The following SLC49A4 variants were observed in gnomAD, a reference collection of about 807,000 sequenced individuals.
SLC49A4 encodes disrupted in renal cancer protein 2.
SLC49A4 carries 36 observed loss-of-function variants against 50.6 expected under a neutral mutation model. The observed-to-expected ratio is 0.71, with a 90% CI of 0.55 to 0.94. SLC49A4 has a LOEUF of 0.94. SLC49A4 is among the 40% of genes least tolerant of loss of function. SLC49A4 has a pLI of 0.00. For synonymous variants in SLC49A4, 248 were observed against 241.2 expected, an observed-to-expected ratio of 1.03 and a Z score of -0.26; for missense variants, 503 against 605.7, an observed-to-expected ratio of 0.83 and a Z score of 1.78.
intron 4 of SLC49A4, among the ~76,000 whole-genome samples, chr3:122,835,566 A>T (rs936965331): frequency 6.6e-6 from 1 of 150,906 alleles, no homozygotes; most frequent in South Asian, 2.1e-4. Flanking sequence ...CTTTATGATA[A>T]AAAAAAAACC....
chr3:122,872,932 T>C (rs1937215534), intron 8 of SLC49A4, among the ~76,000 whole-genome samples: 1 of 151,964 alleles, frequency 6.6e-6, no homozygotes, highest in African/African-American at 2.4e-5. Context: ...TAGATTCTCA[T>C]TGAGAACCTC....
chr3:122,826,706 G>A (rs1398726853), intron 2 of SLC49A4, 94 bp from the exon 3 acceptor site: 2 of 1,239,490 alleles, frequency 1.6e-6, no homozygotes, highest in Non-Finnish European at 2.3e-6. Flanking sequence ...TATACTTATT[G>A]CCATAGTTAA....
At chr3:122,852,549 C>T (rs1936939416) in intron 5 of SLC49A4, among the ~76,000 whole-genome samples, 1 of 152,114 alleles carries the variant, frequency 6.6e-6, no homozygotes, top group African/African-American at 2.4e-5. Context: ...ATATTGTTTT[C>T]CTTCAGAGAG....
intron 3 of SLC49A4, among the ~76,000 whole-genome samples, chr3:122,827,535 C>T (rs1258024834): frequency 2.0e-5 from 3 of 152,186 alleles, no homozygotes; most frequent in African/African-American, 4.8e-5. Context: ...TTCCTACTCT[C>T]TGTATGTTTA....
intron 7 of SLC49A4, among the ~76,000 whole-genome samples, chr3:122,862,651 GTA>G (rs1402664796): frequency 2.0e-5 from 3 of 152,142 alleles, no homozygotes; most frequent in Non-Finnish European, 4.4e-5. Context: ...GTGTGATACT[GTA>G]TGTCAAGTTA....
intron 1 of SLC49A4, among the ~76,000 whole-genome samples, chr3:122,796,326 G>A (rs1936039293): frequency 6.6e-6 from 1 of 152,204 alleles, no homozygotes; most frequent in Non-Finnish European, 1.5e-5. Context: ...ATTGAATAAT[G>A]CCTGGGAGCT....
intron 1 of SLC49A4, among the ~76,000 whole-genome samples, chr3:122,804,673 T>TG (rs1470139594): frequency 6.6e-6 from 1 of 152,220 alleles, no homozygotes; most frequent in Admixed American, 6.5e-5. Context: ...TTTGTGGAGA[T>TG]GGGGTCTCAC....
At chr3:122,850,362 T>C (rs899553011) in intron 5 of SLC49A4, among the ~76,000 whole-genome samples, 8 of 152,326 alleles carry the variant, frequency 5.3e-5, no homozygotes, top group Non-Finnish European at 8.8e-5. Flanking sequence ...AAAGTTGATA[T>C]ACTAAGAGTG....
At position 122,826,877 on chromosome 3, in the gene SLC49A4, C is replaced by T. The variant is rs372238855; in HGVS notation, c.515C>T (p.Thr172Met). 18 of 1,614,006 alleles carry T rather than the reference C, an allele frequency of 1.1e-5. No individual in the cohort carries two copies. The highest frequency in any genetic ancestry group is 1.6e-4 in the Middle Eastern group (1 of 6,084). ...VMNAAPFLST[T>M]WFSADERATA... is the part of the protein sequence containing the mutation. Reference sequence around the variant, plus strand: ...AATGCAGCACCATTTCTCTCTACGACGTGGTTTTCTGCAGATGAAAGGGCC... The same window carrying T: ...AATGCAGCACCATTTCTCTCTACGATGTGGTTTTCTGCAGATGAAAGGGCC... Residue 172 changes from threonine to methionine, a missense_variant, in exon 3 of 9, where the codon ACG becomes ATG. Physicochemically the swap from Thr to Met is moderately conservative, Grantham distance 81. Coordinates refer to ENST00000261038, the MANE Select transcript of SLC49A4 (RefSeq NM_032839.3).
intron 2 of SLC49A4, among the ~76,000 whole-genome samples, chr3:122,817,844 C>T (rs1936395731): frequency 6.7e-6 from 1 of 149,234 alleles, no homozygotes; most frequent in African/African-American, 2.5e-5. Context: ...ATCCACCTGC[C>T]CTGGCCTCCC....
intron 1 of SLC49A4, 150 bp from the exon 2 acceptor site, chr3:122,806,707 T>G: frequency 7.2e-6 from 4 of 555,440 alleles, no homozygotes; most frequent in East Asian, 3.4e-5. Flanking sequence ...TAGGGTTCGT[T>G]GTTTTTTTTT....
intron 5 of SLC49A4, among the ~76,000 whole-genome samples, chr3:122,853,358 AC>A (rs1273649909): frequency 7.2e-5 from 11 of 152,212 alleles, no homozygotes; most frequent in Non-Finnish European, 1.0e-4. Context: ...CAGCACCTTT[AC>A]TATAATAAGA....
chr3:122,817,973 C>G (rs569136050), intron 2 of SLC49A4, among the ~76,000 whole-genome samples: 149 of 152,118 alleles, frequency 9.8e-4, no homozygotes, highest in African/African-American at 3.4e-3. Flanking sequence ...ATGTAAATTA[C>G]TACTAATCCT....
At chr3:122,847,022 G>A (rs1203768792) in intron 5 of SLC49A4, among the ~76,000 whole-genome samples, 2 of 152,154 alleles carry the variant, frequency 1.3e-5, no homozygotes, top group African/African-American at 2.4e-5. Flanking sequence ...GATAGAAGAC[G>A]TCAAGATTGT....
At chr3:122,873,195 T>G (rs1937217701) in intron 8 of SLC49A4, among the ~76,000 whole-genome samples, 1 of 152,134 alleles carries the variant, frequency 6.6e-6, no homozygotes, top group South Asian at 2.1e-4. Flanking sequence ...TTTTTTTTTT[T>G]TTGAGACAGA....
chr3:122,795,536 G>A lies in SLC49A4; in HGVS notation c.343+1G>A. 6.3e-7 allele frequency: 1 copy of A among 1,589,588 alleles called. No homozygotes were observed. Among genetic ancestry groups the A allele is most frequent in the Non-Finnish European group, 8.5e-7 (1 of 1,174,814 alleles). ...TTCATGTGGCTCCTGGACAAGAGAG[G>A]TGAGGGGTCGCGGAGCGCCAGCCCG... On this transcript the variant is annotated splice_donor_variant, in intron 1 of 8. Coordinates refer to ENST00000261038, the MANE Select transcript of SLC49A4 (RefSeq NM_032839.3). LOFTEE classifies it high-confidence loss of function.
At chr3:122,850,576 T>C (rs1052439175) in intron 5 of SLC49A4, among the ~76,000 whole-genome samples, 4 of 151,806 alleles carry the variant, frequency 2.6e-5, no homozygotes, top group African/African-American at 4.8e-5. Flanking sequence ...GGCAGAAGCA[T>C]GGCTCACTGG....
At position 122,835,218 on chromosome 3, in the gene SLC49A4, T is replaced by G. The variant is rs1327373056; in HGVS notation, c.833+1772T>G. Among the ~76,000 whole-genome samples, 3 of 151,924 alleles carry G rather than the reference T, an allele frequency of 2.0e-5. No individual in the cohort carries two copies. In the East Asian group the frequency reaches 5.8e-4, roughly 29 times the overall value. ...CTCCCTAACTCATTTTATGAAGCCATCACCCTGATACCAAAACCAGATTGA... is the reference window on the plus strand; with the variant it reads ...CTCCCTAACTCATTTTATGAAGCCAGCACCCTGATACCAAAACCAGATTGA... On this transcript the variant is annotated intron_variant, in intron 4 of 8. Coordinates refer to ENST00000261038, the MANE Select transcript of SLC49A4 (RefSeq NM_032839.3).
At chr3:122,800,154 A>C (rs995398341) in intron 1 of SLC49A4, among the ~76,000 whole-genome samples, 1 of 152,228 alleles carries the variant, frequency 6.6e-6, no homozygotes, top group Non-Finnish European at 1.5e-5. Flanking sequence ...AAATATAAAA[A>C]GTGTCTTGTG....
Sources: allele counts gnomAD v4.1 joint callset (sites outside exome capture counted in the v4.1 genomes callset), GRCh38; gene constraint gnomAD v4.1.1; transcripts MANE v1.5; gene names NCBI Gene and HGNC (gene_info 2026-07-23, HGNC 2026-07-21).